Variants in PATJ observed in about 807,000 individuals in gnomAD.
PATJ encodes inaD-like protein.
A neutral mutation model predicts 224.9 loss-of-function variants in PATJ; 190 were observed. The observed-to-expected ratio is 0.84, with a 90% CI of 0.75 to 0.95. The LOEUF (loss-of-function observed/expected upper bound fraction) is 0.95, where lower values mean the gene tolerates loss of function less well. PATJ is among the 40% of genes least tolerant of loss of function. The pLI, the probability that PATJ is intolerant of heterozygous loss-of-function variation, is 0.00. For synonymous variants in PATJ, 769 were observed against 820.3 expected (o/e 0.94, Z 1.07); for missense variants, 2,121 against 2,270.3 (o/e 0.93, Z 1.34).
chr1:62,099,717 C>T (rs151075588), intron 33 of PATJ, among the ~76,000 whole-genome samples: 23 of 152,214 alleles, frequency 1.5e-4, no homozygotes, highest in African/African-American at 5.1e-4. Flanking sequence ...TCCTAAAATG[C>T]TTGTTAAAAC....
chr1:61,765,066 A>AT (rs71582647), intron 3 of PATJ, among the ~76,000 whole-genome samples: 315 of 23,980 alleles, frequency 0.013, 100 homozygotes, highest in East Asian at 0.037. Flanking sequence ...ATTGACATTC[A>AT]TTTTTTTTTT....
At chr1:62,046,791 CT>C (rs1464361822) in intron 30 of PATJ, among the ~76,000 whole-genome samples, 3 of 152,174 alleles carry the variant, frequency 2.0e-5, no homozygotes, top group African/African-American at 4.8e-5. Flanking sequence ...TGAGACCTGG[CT>C]TTGAATGATA....
At chr1:61,852,099 G>A (rs1449326708) in intron 17 of PATJ, among the ~76,000 whole-genome samples, 1 of 140,848 alleles carries the variant, frequency 7.1e-6, no homozygotes, top group Non-Finnish European at 1.5e-5. Context: ...CAGCCTGGGT[G>A]ACAGAGAGGG....
At chr1:62,075,928 A>G (rs374091433) in intron 31 of PATJ, among the ~76,000 whole-genome samples, 3 of 152,034 alleles carry the variant, frequency 2.0e-5, no homozygotes, top group East Asian at 1.9e-4. Context: ...AAAAAAAAAA[A>G]AAAAGAAAAG....
chr1:62,023,323 G>A (rs1647196172), intron 29 of PATJ, among the ~76,000 whole-genome samples: 3 of 151,406 alleles, frequency 2.0e-5, no homozygotes, highest in Admixed American at 2.0e-4. Context: ...TTGTGCTCTT[G>A]ATTCATTAGA....
chr1:62,116,934 T>C (rs914869671), intron 36 of PATJ, among the ~76,000 whole-genome samples, 198 bp from the exon 37 acceptor site: 8 of 152,200 alleles, frequency 5.3e-5, no homozygotes, highest in Admixed American at 5.2e-4. Flanking sequence ...ATTCTAAGTA[T>C]CCATCACTGT....
At chr1:62,147,136 C>T (rs1389312094) in intron 41 of PATJ, among the ~76,000 whole-genome samples, 1 of 152,072 alleles carries the variant, frequency 6.6e-6, no homozygotes, top group Non-Finnish European at 1.5e-5. Flanking sequence ...GGATTATCAT[C>T]ACTTAGATGG....
intron 27 of PATJ, among the ~76,000 whole-genome samples, chr1:61,976,004 A>T (rs1557974682): frequency 6.6e-6 from 1 of 151,914 alleles, no homozygotes; most frequent in Non-Finnish European, 1.5e-5. Context: ...TTTCTCCACC[A>T]GTCTACTTTT....
At position 61,801,749 on chromosome 1, in the gene PATJ, T is replaced by C. The variant is rs1470514826; in HGVS notation, c.1529T>C (p.Ile510Thr). The change falls in exon 12 of 44, where the codon ATA becomes ACA. Residue 510 changes from isoleucine (I) to threonine (T), a missense_variant. Physicochemically the swap from Ile to Thr is moderately conservative, Grantham distance 89. Transcript: ENST00000642238. ...ERIDTLKNDN[I>T]QALEKLEKVP... The stretch of plus-strand genomic sequence containing the variant: ...ATTGATACTTTAAAAAATGACAACA[T>C]ACAAGCCTTAGAAAAATTGGGTAGG... 1.9e-6 allele frequency: 3 copies of C among 1,589,096 alleles called. No homozygotes were observed. In the South Asian group the frequency reaches 3.5e-5, roughly 18 times the overall value.
At chr1:62,027,659 A>G (rs1648279358) in intron 29 of PATJ, among the ~76,000 whole-genome samples, 1 of 108,906 alleles carries the variant, frequency 9.2e-6, no homozygotes, top group Non-Finnish European at 1.7e-5. Flanking sequence ...TTTGGATAGT[A>G]TCCATCCTAA....
rs59626295 is a variant in PATJ, at chr1:62,067,541, A to G, written c.4126-11909A>G. Among the ~76,000 whole-genome samples the G allele has an allele frequency of 4.8e-3, 729 of 152,304 alleles. 9 individuals are homozygous for G. The highest frequency in any genetic ancestry group is 0.017 in the African/African-American group (694 of 41,566). On this transcript the variant is annotated intron_variant, in intron 31 of 43. Transcript: ENST00000642238. ...CTATTATCATCTTTGCTTTCAAGTTAAACTATCCACTAAATTCCTCCCAGA... is the reference window on the plus strand; with the variant it reads ...CTATTATCATCTTTGCTTTCAAGTTGAACTATCCACTAAATTCCTCCCAGA...
At chr1:62,100,724 A>T (rs796127232) in intron 33 of PATJ, among the ~76,000 whole-genome samples, 7 of 152,296 alleles carry the variant, frequency 4.6e-5, no homozygotes, top group African/African-American at 1.7e-4. Flanking sequence ...ATGAATGTTT[A>T]TTGAGTGCCT....
chr1:62,073,075 C>T, intron 31 of PATJ: 1 of 985,284 alleles, frequency 1.0e-6, no homozygotes, highest in Non-Finnish European at 1.2e-6. Flanking sequence ...GCAGAAGGCA[C>T]TGGAATACCC....
chr1:61,873,030 A>G (rs1666850747), intron 20 of PATJ, among the ~76,000 whole-genome samples: 2 of 152,186 alleles, frequency 1.3e-5, no homozygotes, highest in South Asian at 2.1e-4. Flanking sequence ...CCATTTTCAA[A>G]ACAAAATTCA....
intron 14 of PATJ, among the ~76,000 whole-genome samples, chr1:61,813,320 C>A (rs1165070217): frequency 7.3e-6 from 1 of 137,904 alleles, no homozygotes; most frequent in African/African-American, 2.7e-5. Flanking sequence ...CCTGATCAAC[C>A]TCTATGGAAT....
chr1:61,945,854 A>G (rs568812815), intron 27 of PATJ, among the ~76,000 whole-genome samples: 2 of 152,356 alleles, frequency 1.3e-5, no homozygotes, highest in East Asian at 3.9e-4. Flanking sequence ...AACAGAAATC[A>G]TAACAAACTG....
rs186936531 is a variant in PATJ at position 62,135,664 on chromosome 1, G to C, written c.5271+6719G>C. On this transcript the variant is annotated intron_variant, in intron 41 of 43. Coordinates refer to ENST00000642238, the MANE Select transcript of PATJ (RefSeq NM_001350145.3). ...AGGTAGGCTGTAGTGTCAGAAAGTCGTGAGTTTGAATCCTTTTACTAAAGT... is the reference window on the plus strand; with the variant it reads ...AGGTAGGCTGTAGTGTCAGAAAGTCCTGAGTTTGAATCCTTTTACTAAAGT... 3.8e-3 allele frequency among the ~76,000 whole-genome samples: 574 copies of C among 152,264 alleles called. 2 individuals are homozygous for C. Among genetic ancestry groups the C allele is most frequent in the Non-Finnish European group, 3.8e-3 (261 of 68,020 alleles).
At chr1:61,773,859 G>A (rs952254403) in intron 6 of PATJ, among the ~76,000 whole-genome samples, 7 of 151,830 alleles carry the variant, frequency 4.6e-5, no homozygotes, top group Non-Finnish European at 7.4e-5. Context: ...TTTGGCTCAC[G>A]CCTGTAGTCC....
intron 1 of PATJ, among the ~76,000 whole-genome samples, chr1:61,760,324 A>T (rs112396203): frequency 2.6e-5 from 4 of 152,258 alleles, no homozygotes; most frequent in Non-Finnish European, 5.9e-5. Context: ...TTGCTTAATG[A>T]TCTTGAATTA....
Sources: gnomAD v4.1 joint callset for allele counts (sites outside exome capture counted in the v4.1 genomes callset) on GRCh38, gnomAD v4.1.1 for gene constraint, MANE v1.5 for transcripts, NCBI Gene and HGNC (gene_info 2026-07-23, HGNC 2026-07-21) for gene names.